Variants in SLC35D4 observed in about 807,000 individuals in gnomAD.
SLC35D4 encodes the protein UDP-N-acetylglucosamine transporter SLC35D4.
chr18:23,430,546 T>C, the SLC35D4 span: 1 of 1,157,728 alleles, frequency 8.6e-7, no homozygotes, highest in Non-Finnish European at 1.2e-6. Flanking sequence ...AAAAAAAATC[T>C]ATGCAGTTAT....
At chr18:23,432,680 CAA>C in the SLC35D4 span, among the ~76,000 whole-genome samples, 11 of 80,262 alleles carry the variant, frequency 1.4e-4, no homozygotes, top group East Asian at 3.4e-4. Flanking sequence ...GACTCCTTCT[CAA>C]AAAAAAAAAA....
At chr18:23,433,849 A>C in the SLC35D4 span, among the ~76,000 whole-genome samples, 2 of 151,194 alleles carry the variant, frequency 1.3e-5, no homozygotes, top group Non-Finnish European at 3.0e-5. Context: ...ACTAGAAGAG[A>C]GCATCCTCTA....
chr18:23,275,838 G>A, the SLC35D4 span, among the ~76,000 whole-genome samples: 1 of 152,232 alleles, frequency 6.6e-6, no homozygotes, highest in Non-Finnish European at 1.5e-5. Context: ...AAAGGGCTGA[G>A]AGACCCAAGA....
At chr18:23,250,113 G>A in the SLC35D4 span, among the ~76,000 whole-genome samples, 3 of 152,192 alleles carry the variant, frequency 2.0e-5, no homozygotes, top group Non-Finnish European at 4.4e-5. Context: ...TGGTTGCTGC[G>A]AGGAGAGATC....
chr18:23,246,426 C>T, the SLC35D4 span, among the ~76,000 whole-genome samples: 1 of 151,970 alleles, frequency 6.6e-6, no homozygotes, highest in Non-Finnish European at 1.5e-5. Context: ...GAGTCTTGCT[C>T]TGTCGCCCAG....
the SLC35D4 span, among the ~76,000 whole-genome samples, chr18:23,429,242 T>C: frequency 6.6e-6 from 1 of 152,248 alleles, no homozygotes; most frequent in Admixed American, 6.5e-5. Context: ...ATGGTAATTC[T>C]ATTTTTCATT....
the SLC35D4 span, among the ~76,000 whole-genome samples, chr18:23,240,767 T>C: frequency 6.6e-6 from 1 of 152,210 alleles, no homozygotes; most frequent in Non-Finnish European, 1.5e-5. Flanking sequence ...GGCGCCCACC[T>C]GAAATCCTGG....
chr18:23,367,055 A>T, the SLC35D4 span, among the ~76,000 whole-genome samples: 1 of 152,184 alleles, frequency 6.6e-6, no homozygotes, highest in Non-Finnish European at 1.5e-5. Flanking sequence ...TAACTTCAGG[A>T]GGAGAAGTGA....
At chr18:23,289,205 T>C in the SLC35D4 span, among the ~76,000 whole-genome samples, 1 of 152,202 alleles carries the variant, frequency 6.6e-6, no homozygotes, top group African/African-American at 2.4e-5. Context: ...ACAGCTGATA[T>C]CTCCTGGTGC....
At chr18:23,304,055 T>TAAAA in the SLC35D4 span, among the ~76,000 whole-genome samples, 1 of 142,858 alleles carries the variant, frequency 7.0e-6, no homozygotes, top group Non-Finnish European at 1.5e-5. Flanking sequence ...GTGTTTAAAT[T>TAAAA]AAAAAAAAAA....
the SLC35D4 span, among the ~76,000 whole-genome samples, chr18:23,355,656 A>G: frequency 6.7e-6 from 1 of 150,110 alleles, no homozygotes; most frequent in South Asian, 2.1e-4. Context: ...GCCACATAGC[A>G]GCTTTTTAAC....
the SLC35D4 span, among the ~76,000 whole-genome samples, chr18:23,407,928 T>G: frequency 6.6e-6 from 1 of 152,186 alleles, no homozygotes; most frequent in Non-Finnish European, 1.5e-5. Context: ...AGTTTTCATT[T>G]ACAGGTGGAA....
the SLC35D4 span, among the ~76,000 whole-genome samples, chr18:23,358,081 G>C: frequency 2.6e-5 from 4 of 152,184 alleles, no homozygotes; most frequent in Non-Finnish European, 5.9e-5. Flanking sequence ...CAGACCTAGA[G>C]AGTGGCCAGA....
chr18:23,375,915 A>C, the SLC35D4 span, among the ~76,000 whole-genome samples: 1 of 152,192 alleles, frequency 6.6e-6, no homozygotes, highest in Non-Finnish European at 1.5e-5. Context: ...TCATATGCCA[A>C]AAGCTCTTGC....
the SLC35D4 span, among the ~76,000 whole-genome samples, chr18:23,399,194 G>T: frequency 6.6e-6 from 1 of 152,182 alleles, no homozygotes; most frequent in African/African-American, 2.4e-5. Flanking sequence ...GGCAGGGTTT[G>T]GTTCCTCAGA....
chr18:23,431,191 A>G, the SLC35D4 span, among the ~76,000 whole-genome samples: 1 of 151,716 alleles, frequency 6.6e-6, no homozygotes, highest in African/African-American at 2.4e-5. Flanking sequence ...AAAGAAAAAG[A>G]AAAGAAAAAA....
At chr18:23,372,783 C>G in the SLC35D4 span, among the ~76,000 whole-genome samples, 1 of 152,162 alleles carries the variant, frequency 6.6e-6, no homozygotes, top group Non-Finnish European at 1.5e-5. Flanking sequence ...TTTCCCTCCC[C>G]TTTGCTCCAA....
chr18:23,403,644 G>A, the SLC35D4 span, among the ~76,000 whole-genome samples: 2 of 152,200 alleles, frequency 1.3e-5, no homozygotes, highest in Non-Finnish European at 2.9e-5. Flanking sequence ...TTGGAACAGG[G>A]TTAGGGGTGG....
the SLC35D4 span, among the ~76,000 whole-genome samples, chr18:23,405,717 A>G: frequency 6.6e-6 from 1 of 152,194 alleles, no homozygotes; most frequent in Non-Finnish European, 1.5e-5. Flanking sequence ...TCGGGGAAGG[A>G]GAGAGAAAGC....
Sources: gnomAD v4.1 joint callset for allele counts (sites outside exome capture counted in the v4.1 genomes callset) on GRCh38, gnomAD v4.1.1 for gene constraint, MANE v1.5 for transcripts, NCBI Gene and HGNC (gene_info 2026-07-23, HGNC 2026-07-21) for gene names.